Variants in ZNF831 observed in about 807,000 individuals in gnomAD.
The protein encoded by ZNF831 is zinc finger protein 831.
ZNF831 carries 59 observed loss-of-function variants against 95.8 expected under a neutral mutation model. The observed-to-expected ratio is 0.62, with a 90% confidence interval of 0.50 to 0.77. The LOEUF is 0.77. Among genes scored for constraint, ZNF831 ranks in the 30% least tolerant of loss-of-function variants. The probability of loss-of-function intolerance (pLI) is 0.00; values close to 1 mark genes in which losing one functional copy is unlikely to be tolerated. For missense variants in ZNF831, 2,205 were observed against 2,164.0 expected, an observed-to-expected ratio of 1.02 and a Z score of -0.38; for synonymous variants, 961 against 925.5, an observed-to-expected ratio of 1.04 and a Z score of -0.70.
At chr20:59,252,379 T>G (rs763874277) in intron 4 of ZNF831, among the ~76,000 whole-genome samples, 24 of 152,318 alleles carry the variant, frequency 1.6e-4, no homozygotes, top group Admixed American at 7.8e-4. Flanking sequence ...TTGACTGGTA[T>G]GCCAGGTCAT....
rs764029741 is a variant in ZNF831 at position 59,191,266 on chromosome 20, G to C, written c.247G>C (p.Asp83His). The change falls in exon 2 of 6, where the codon GAT (aspartate) becomes CAT (histidine). Residue 83 changes from aspartate to histidine, a missense_variant. Transcript: ENST00000371030. Reference protein sequence around the residue: ...PRAPLVTGSLDGGNVPFILSP... With the variant: ...PRAPLVTGSLHGGNVPFILSP... Reference sequence around the variant, plus strand: ...CGCCCCGCTAGTGACGGGCAGCCTAGATGGGGGCAACGTGCCCTTCATACT... The same window carrying C: ...CGCCCCGCTAGTGACGGGCAGCCTACATGGGGGCAACGTGCCCTTCATACT... 3.2e-6 allele frequency: 5 copies of C among 1,559,482 alleles called. No individual in the cohort carries two copies. The Middle Eastern group carries it at 5.1e-4, about 159-fold the overall frequency.
chr20:59,239,584 C>G (rs1987200797), intron 4 of ZNF831, among the ~76,000 whole-genome samples: 1 of 138,934 alleles, frequency 7.2e-6, no homozygotes, highest in East Asian at 2.1e-4. Flanking sequence ...GAGTCTCGCT[C>G]TGTCGCCCAG....
At position 59,256,095 on chromosome 20, in the gene ZNF831, GAT is replaced by G. The variant is rs1202021713; in HGVS notation, c.*1353_*1354del. On this transcript the variant is annotated 3_prime_UTR_variant, in exon 6 of 6. Transcript: ENST00000371030. Reference sequence around the variant, plus strand: ...TCTTTTGGTGTAACTTTGATGTAATGATGTTCATATGACATCTTGTACTTCAG... The same window carrying G: ...TCTTTTGGTGTAACTTTGATGTAATGGTTCATATGACATCTTGTACTTCAG... 6.6e-6 allele frequency: 1 copy of G among 152,208 alleles called. No individual in the cohort carries two copies. Among genetic ancestry groups the G allele is most frequent in the Non-Finnish European group, 1.5e-5 (1 of 68,032 alleles). The allele number at this position is 152,208 out of a possible 1,614,324, so 9.4% of individuals were successfully genotyped here.
intron 2 of ZNF831, among the ~76,000 whole-genome samples, chr20:59,155,104 T>C (rs764004947): frequency 2.0e-5 from 3 of 152,250 alleles, no homozygotes; most frequent in African/African-American, 4.8e-5. Context: ...GAATACAGTT[T>C]CCCTGACACC....
intron 2 of ZNF831, among the ~76,000 whole-genome samples, chr20:59,150,366 G>A (rs182441348): frequency 6.6e-6 from 1 of 152,298 alleles, no homozygotes; most frequent in African/African-American, 2.4e-5. Flanking sequence ...TCGGGTCACA[G>A]GTAGGGTTGT....
At chr20:59,253,162 C>G in intron 5 of ZNF831, 24 bp downstream of exon 5, 1 of 1,612,930 alleles carries the variant, frequency 6.2e-7, no homozygotes, top group Non-Finnish European at 8.5e-7. Context: ...TTTTGAGCTG[C>G]CTCTACCTAT....
chr20:59,235,700 G>A (rs1055036863), intron 4 of ZNF831, among the ~76,000 whole-genome samples: 22 of 152,098 alleles, frequency 1.4e-4, no homozygotes, highest in African/African-American at 5.1e-4. Context: ...AAAAAGAACC[G>A]TAGGGTAGAC....
rs1981430547 is a variant in ZNF831 at position 59,168,149 on chromosome 20, G to A, written c.-37+3942G>A. Among the ~76,000 whole-genome samples, 6 of 152,106 alleles carry A rather than the reference G, an allele frequency of 3.9e-5. 1 individual carries two copies. In the South Asian group the frequency reaches 1.2e-3, roughly 32 times the overall value. The stretch of plus-strand genomic sequence containing the variant: ...AAATATCTTACTAGGGTTTTGATAG[G>A]AATTGCATTAAACCTGTATATCAAT... On this transcript the variant is annotated intron_variant, in intron 1 of 5. Transcript: ENST00000371030.
intron 1 of ZNF831, among the ~76,000 whole-genome samples, chr20:59,130,687 A>T (rs142549148): frequency 2.1e-3 from 322 of 152,246 alleles, no homozygotes; most frequent in Non-Finnish European, 3.5e-3. Flanking sequence ...TCCAAATTTG[A>T]GTCCCAGAGA....
intron 2 of ZNF831, among the ~76,000 whole-genome samples, chr20:59,149,981 T>C (rs544122240): frequency 6.6e-6 from 1 of 152,282 alleles, no homozygotes; most frequent in Admixed American, 6.5e-5. Context: ...ATGGCCCGCC[T>C]TTTCCTCTGT....
intron 1 of ZNF831, among the ~76,000 whole-genome samples, chr20:59,123,658 G>T (rs1979074319): frequency 8.5e-6 from 1 of 117,590 alleles, no homozygotes. Flanking sequence ...GACAAGCAGG[G>T]CAAGGAGGAA....
At chr20:59,132,985 A>G (rs1418475722) in intron 1 of ZNF831, among the ~76,000 whole-genome samples, 1 of 151,840 alleles carries the variant, frequency 6.6e-6, no homozygotes, top group Non-Finnish European at 1.5e-5. Flanking sequence ...CGTCCGTAGG[A>G]TCACTTTGGG....
At chr20:59,178,531 G>T (rs1982349006) in intron 1 of ZNF831, among the ~76,000 whole-genome samples, 1 of 152,176 alleles carries the variant, frequency 6.6e-6, no homozygotes, top group Non-Finnish European at 1.5e-5. Flanking sequence ...AGGGCCCTGG[G>T]CCATCCTGGG....
rs1326566063 is a variant in ZNF831, at chr20:59,192,206, G to A, written c.1187G>A (p.Gly396Asp). The A allele has an allele frequency of 6.3e-7, 1 of 1,582,614 alleles. No individual in the cohort carries two copies. The highest frequency in any genetic ancestry group is 8.6e-7 in the Non-Finnish European group (1 of 1,165,656). ...GCCGAGCCCGGGGCGCGAGAAGCCG[G>A]CCTGGAGCTGGAGAAGAAGCGGCTG... Reference protein sequence around the residue: ...AGAEPGAREAGLELEKKRLEE... With the variant: ...AGAEPGAREADLELEKKRLEE... Residue 396 changes from glycine to aspartate, a missense_variant, in exon 2 of 6, where the codon GGC (glycine) becomes GAC (aspartate). Physicochemically the swap from Gly to Asp is moderately conservative, Grantham distance 94 (BLOSUM62 -1). Transcript: ENST00000371030. The surrounding 1 kb of genome is among the most constrained non-coding windows in gnomAD (Gnocchi z 5.2).
At chr20:59,163,615 A>G (rs1981018558), upstream of ZNF831, among the ~76,000 whole-genome samples, 1 of 152,056 alleles carries the variant, frequency 6.6e-6, no homozygotes, top group African/African-American at 2.4e-5. Context: ...CCTCATCTCT[A>G]ATGCAATGTT....
intron 1 of ZNF831, among the ~76,000 whole-genome samples, chr20:59,139,411 C>T (rs763949019): frequency 3.3e-5 from 5 of 152,080 alleles, no homozygotes; most frequent in Non-Finnish European, 5.9e-5. Context: ...TCTGTTTTTA[C>T]TCCACCCAGC....
At chr20:59,214,576 C>T (rs916064439) in intron 4 of ZNF831, among the ~76,000 whole-genome samples, 1 of 152,228 alleles carries the variant, frequency 6.6e-6, no homozygotes, top group Non-Finnish European at 1.5e-5. Flanking sequence ...AAATGCTCTT[C>T]CCACTATTTT....
intron 1 of ZNF831, among the ~76,000 whole-genome samples, chr20:59,164,654 A>G (rs894015474): frequency 2.0e-5 from 3 of 152,214 alleles, no homozygotes; most frequent in African/African-American, 7.2e-5. Flanking sequence ...ATATCAAGGT[A>G]TTTGATAGAG....
chr20:59,153,510 C>T lies in ZNF831; in HGVS notation c.-1280-6142C>T, dbSNP rs368084870. On this transcript the variant is annotated intron_variant, in intron 2 of 7. Transcript: ENST00000637017. ...AGGCACACAGGGCCAAGCGCTTATT[C>T]GTGCTGGAAGCTGCCCTGGCAGCCT... Among the ~76,000 whole-genome samples, 19 of 152,346 alleles carry T rather than the reference C, an allele frequency of 1.2e-4. No homozygotes were observed. The South Asian group carries it at 3.7e-3, about 30-fold the overall frequency.
Sources: gnomAD v4.1 joint callset for allele counts (sites outside exome capture counted in the v4.1 genomes callset) on GRCh38, gnomAD v4.1.1 for gene constraint, Gnocchi (gnomAD v3.1) non-coding constraint, MANE v1.5 for transcripts, NCBI Gene and HGNC (gene_info 2026-07-23, HGNC 2026-07-21) for gene names.